SORCS1: variants seen among roughly 807,000 people sequenced by gnomAD.
SORCS1 encodes VPS10 domain-containing receptor SorCS1.
Under a neutral mutation model 146.1 loss-of-function variants are expected in SORCS1, and 60 were observed. The ratio of observed to expected loss-of-function variants is 0.41; its 90% CI spans 0.33 to 0.51. The LOEUF (loss-of-function observed/expected upper bound fraction) is 0.51. SORCS1 is among the 20% of genes least tolerant of loss of function. The pLI, the probability that SORCS1 is intolerant of heterozygous loss-of-function variation, is 0.21. For synonymous variants in SORCS1, 637 were observed against 584.0 expected (o/e 1.09, Z -1.31); for missense variants, 1,352 against 1,487.6 (o/e 0.91, Z 1.50).
intron 3 of SORCS1, among the ~76,000 whole-genome samples, chr10:106,819,744 T>G (rs574893351): frequency 9.2e-5 from 14 of 152,166 alleles, no homozygotes; most frequent in African/African-American, 2.6e-4. Context: ...ATCAATATCT[T>G]TTACCCCTTT....
intron 2 of SORCS1, among the ~76,000 whole-genome samples, chr10:106,954,669 T>A (rs1014712872): frequency 4.6e-5 from 7 of 152,222 alleles, no homozygotes. Context: ...GCTCCTTGAA[T>A]ACCAGCATGA....
At chr10:106,585,764 G>A (rs1366303124) in intron 24 of SORCS1, among the ~76,000 whole-genome samples, 1 of 152,212 alleles carries the variant, frequency 6.6e-6, no homozygotes, top group East Asian at 1.9e-4. Context: ...TCACGGCCTT[G>A]CATACCTCTG....
intron 2 of SORCS1, among the ~76,000 whole-genome samples, chr10:106,906,454 G>A (rs548726357): frequency 2.0e-5 from 3 of 152,286 alleles, no homozygotes; most frequent in African/African-American, 4.8e-5. Context: ...CCACATGACT[G>A]AGGAGGCCTC....
chr10:106,930,723 T>G (rs1953374962), intron 2 of SORCS1, among the ~76,000 whole-genome samples: 1 of 152,020 alleles, frequency 6.6e-6, no homozygotes, highest in Non-Finnish European at 1.5e-5. Flanking sequence ...TTCTTAGGAG[T>G]CAGAACTTTT....
intron 23 of SORCS1, among the ~76,000 whole-genome samples, chr10:106,599,601 A>C (rs531234798): frequency 6.6e-6 from 1 of 152,190 alleles, no homozygotes; most frequent in Non-Finnish European, 1.5e-5. Context: ...ACAGAATTTC[A>C]GAAAAAATAT....
intron 24 of SORCS1, among the ~76,000 whole-genome samples, chr10:106,590,249 T>C (rs1845519814): frequency 6.6e-6 from 1 of 152,218 alleles, no homozygotes. Flanking sequence ...TCAGCTTTAC[T>C]GAATCTTCTG....
chr10:107,116,020 C>A lies in SORCS1; in HGVS notation c.558+47949G>T, dbSNP rs1306440691. Among the ~76,000 whole-genome samples, 3 of 151,916 alleles carry A rather than the reference C, an allele frequency of 2.0e-5. No individual in the cohort carries two copies. In the East Asian group the frequency reaches 5.8e-4, roughly 29 times the overall value. ...TCTTTGAAAAATATGAATAGGTGCT[C>A]AACATCACTAATAATCAGAAAAATG... On this transcript the variant is annotated intron_variant, in intron 1 of 25. Transcript: ENST00000263054.
chr10:106,767,652 C>T (rs1859680607), intron 4 of SORCS1, among the ~76,000 whole-genome samples: 1 of 152,032 alleles, frequency 6.6e-6, no homozygotes, highest in South Asian at 2.1e-4. Flanking sequence ...CCACGCCCGG[C>T]TAATTTTTGT....
intron 2 of SORCS1, among the ~76,000 whole-genome samples, chr10:106,895,538 G>A (rs1951437168): frequency 6.6e-6 from 1 of 152,208 alleles, no homozygotes; most frequent in Non-Finnish European, 1.5e-5. Context: ...TTGAACCCAG[G>A]AGGAAGAGGT....
intron 8 of SORCS1, 89 bp downstream of exon 8, chr10:106,706,456 A>G: frequency 8.1e-7 from 1 of 1,238,118 alleles, no homozygotes; most frequent in East Asian, 2.3e-5. Flanking sequence ...TGACTATGAG[A>G]GGCTGAAAGA....
chr10:107,052,835 T>C (rs1387322046), intron 1 of SORCS1, among the ~76,000 whole-genome samples: 3 of 152,132 alleles, frequency 2.0e-5, no homozygotes, highest in South Asian at 2.1e-4. Context: ...ACATTAGTGA[T>C]AGAAAAAGGC....
At chr10:107,049,770 A>G (rs72812911) in intron 1 of SORCS1, among the ~76,000 whole-genome samples, 1,626 of 152,280 alleles carry the variant, frequency 0.011, 15 homozygotes, top group South Asian at 0.028. Flanking sequence ...GGATGACGGT[A>G]TCAAACATTC....
chr10:106,656,002 T>A (rs192840510), intron 17 of SORCS1, among the ~76,000 whole-genome samples: 1 of 152,342 alleles, frequency 6.6e-6, no homozygotes, highest in Non-Finnish European at 1.5e-5. Context: ...TGGTAAAGCA[T>A]TCTTCAATCT....
chr10:107,016,163 T>C (rs1221270896), intron 1 of SORCS1, among the ~76,000 whole-genome samples: 1 of 152,106 alleles, frequency 6.6e-6, no homozygotes, highest in Non-Finnish European at 1.5e-5. Flanking sequence ...TTGACAAACA[T>C]GGAAGAACAT....
At chr10:106,636,024 C>T (rs1336563610) in intron 18 of SORCS1, among the ~76,000 whole-genome samples, 1 of 152,108 alleles carries the variant, frequency 6.6e-6, no homozygotes. Context: ...CGTACCCTGG[C>T]GTGCAGAGAA....
chr10:106,963,568 T>A (rs113893311), intron 1 of SORCS1, among the ~76,000 whole-genome samples: 18 of 152,272 alleles, frequency 1.2e-4, no homozygotes, highest in African/African-American at 4.3e-4. Flanking sequence ...AGGTTCTCAT[T>A]CTTTTGGGGA....
At chr10:107,100,553 T>G (rs2134376161) in intron 1 of SORCS1, among the ~76,000 whole-genome samples, 1 of 151,940 alleles carries the variant, frequency 6.6e-6, no homozygotes, top group Middle Eastern at 3.4e-3. Flanking sequence ...TTAGGCAGAC[T>G]TTATGATACA....
chr10:106,965,674 A>G (rs1955462126), intron 1 of SORCS1, among the ~76,000 whole-genome samples: 1 of 152,182 alleles, frequency 6.6e-6, no homozygotes, highest in Non-Finnish European at 1.5e-5. Context: ...TCTAAGTCAC[A>G]TCACATATGG....
chr10:106,718,394 G>C (rs568396264), intron 6 of SORCS1, among the ~76,000 whole-genome samples: 37 of 152,318 alleles, frequency 2.4e-4, no homozygotes, highest in Non-Finnish European at 2.5e-4. Flanking sequence ...CCCTCACGGT[G>C]AGTGTTACAG....
Sources: allele counts gnomAD v4.1 joint callset (sites outside exome capture counted in the v4.1 genomes callset), GRCh38; gene constraint gnomAD v4.1.1; transcripts MANE v1.5; gene names NCBI Gene and HGNC (gene_info 2026-07-23, HGNC 2026-07-21).